The following RFTN1 variants were observed in gnomAD, a reference collection of about 807,000 sequenced individuals.
RFTN1 encodes raftlin.
A neutral mutation model predicts 46.5 loss-of-function variants in RFTN1; 26 were observed. The ratio of observed to expected loss-of-function variants is 0.56; its 90% CI spans 0.41 to 0.78. The LOEUF (loss-of-function observed/expected upper bound fraction) is 0.78. Among genes scored for constraint, RFTN1 ranks in the 30% least tolerant of loss-of-function variants. The probability of loss-of-function intolerance (pLI) is 0.00; values close to 1 mark genes in which losing one functional copy is unlikely to be tolerated. For missense variants in RFTN1, 693 were observed against 718.7 expected, an observed-to-expected ratio of 0.96 and a Z score of 0.41; for synonymous variants, 261 against 284.2, an observed-to-expected ratio of 0.92 and a Z score of 0.82.
rs367960866 is a variant in RFTN1, at chr3:16,415,409, G to GTATA, written c.333-5930_333-5927dup. ...GTTGAGATGTCTGGTAGACAGTTGA[G>GTATA]TATATATATATATATATATATACAC... is the stretch of plus-strand genomic sequence containing the variant. On this transcript the variant is annotated intron_variant, in intron 3 of 9. Coordinates refer to ENST00000334133, the MANE Select transcript of RFTN1 (RefSeq NM_015150.2). Among the ~76,000 whole-genome samples the GTATA allele has an allele frequency of 2.7e-3, 279 of 104,524 alleles. 13 individuals are homozygous for GTATA. The highest frequency in any genetic ancestry group is 5.0e-3 in the African/African-American group (168 of 33,370). The allele number at this position is 104,524 out of a possible 152,430, so 68.6% of individuals were successfully genotyped here. A position where few individuals can be genotyped will look rare whatever the true frequency, so the allele number is the denominator to read the frequency against.
chr3:16,328,767 C>G (rs1224044381), intron 7 of RFTN1, among the ~76,000 whole-genome samples: 1 of 152,196 alleles, frequency 6.6e-6, no homozygotes, highest in Admixed American at 6.5e-5. Flanking sequence ...CCTGATGCAG[C>G]TAAGTCTGAG....
At position 16,493,890 on chromosome 3, in the gene RFTN1, G is replaced by C. The variant is rs777462745; in HGVS notation, c.-8-13C>G. ...CCCATTTCAGCAGCTGCTGGCCAAA[G>C]GAAAAAGGCGGGGAGGTGATTTTTT... On this transcript the variant is annotated splice_polypyrimidine_tract_variant and intron_variant, in intron 1 of 9. Transcript: ENST00000334133. The C allele has an allele frequency of 6.2e-7, 1 of 1,612,992 alleles. No individual in the cohort carries two copies. The highest frequency in any genetic ancestry group is 1.1e-5 in the South Asian group (1 of 90,882).
In RFTN1 at chr3:16,447,922, A is replaced by T. The variant is rs2075760589; in HGVS notation, c.146-13885T>A. ...TCTGATAGGCATTTGTGTGCTTATA[A>T]GGAATCTTTAGATTTTCTCTAATGT... On this transcript the variant is annotated intron_variant, in intron 2 of 9. Transcript: ENST00000334133. This position sits in a 1 kb window ranked among gnomAD's most constrained non-coding sequence, Gnocchi z 5.9. 6.6e-6 allele frequency among the ~76,000 whole-genome samples: 1 copy of T among 152,170 alleles called. No individual in the cohort carries two copies.
At chr3:16,445,169 C>T (rs2075702663) in intron 2 of RFTN1, among the ~76,000 whole-genome samples, 1 of 152,142 alleles carries the variant, frequency 6.6e-6, no homozygotes, top group Admixed American at 6.5e-5. Context: ...TGCAGCCAAG[C>T]TCTTAGAGAA....
chr3:16,377,125 G>A (rs929968418), intron 5 of RFTN1, among the ~76,000 whole-genome samples: 21 of 152,030 alleles, frequency 1.4e-4, no homozygotes, highest in East Asian at 3.9e-4. Context: ...ACAGAGAAAC[G>A]GAGGGAAACT....
In RFTN1 at chr3:16,320,368, C is replaced by T. The variant is rs2068908266; in HGVS notation, c.1332+3008G>A. Among the ~76,000 whole-genome samples, 1 of 152,220 alleles carries T rather than the reference C, an allele frequency of 6.6e-6. No individual in the cohort carries two copies. Among genetic ancestry groups the T allele is most frequent in the South Asian group, 2.1e-4 (1 of 4,834 alleles). On this transcript the variant is annotated intron_variant, in intron 9 of 9. Transcript: ENST00000334133. This position sits in a 1 kb window ranked among gnomAD's most constrained non-coding sequence, Gnocchi z 4.5. Reference sequence around the variant, plus strand: ...TATGCCACATCCTCGGTGTGCCAATCTTGCAGTTTCTTTTCTTAAGTTTTA... The same window carrying T: ...TATGCCACATCCTCGGTGTGCCAATTTTGCAGTTTCTTTTCTTAAGTTTTA...
intron 1 of RFTN1, among the ~76,000 whole-genome samples, chr3:16,510,324 G>A (rs1252322474): frequency 6.6e-6 from 1 of 152,172 alleles, no homozygotes; most frequent in East Asian, 1.9e-4. Flanking sequence ...GAGTTTCTAG[G>A]CAGAAGCTTA....
chr3:16,472,747 T>C (rs2076219777), intron 2 of RFTN1: 1 of 152,218 alleles, frequency 6.6e-6, no homozygotes, highest in Non-Finnish European at 1.5e-5. Context: ...TCCCAACACA[T>C]GATGATCTTC....
At chr3:16,365,180 G>A (rs2073082664) in intron 6 of RFTN1, among the ~76,000 whole-genome samples, 2 of 141,442 alleles carry the variant, frequency 1.4e-5, no homozygotes, top group East Asian at 2.1e-4. Flanking sequence ...GGTGGGTGGT[G>A]TCCCAAGGGA....
At chr3:16,434,653 A>AC (rs539479112) in intron 2 of RFTN1, 2 of 152,230 alleles carry the variant, frequency 1.3e-5, no homozygotes, top group Non-Finnish European at 1.5e-5. Context: ...TCTAAAAAAA[A>AC]ACACACAGAA....
At chr3:16,444,324 A>T (rs988702984) in intron 2 of RFTN1, among the ~76,000 whole-genome samples, 1 of 152,276 alleles carries the variant, frequency 6.6e-6, no homozygotes. Context: ...TACTGGATTT[A>T]CAATGTAAAA....
rs2125273198 is a variant in RFTN1 at position 16,337,195 on chromosome 3, A to G, written c.1147-10319T>C. 1 of 152,336 alleles carries G rather than the reference A, an allele frequency of 6.6e-6. No individual in the cohort carries two copies. The highest frequency in any genetic ancestry group is 2.1e-4 in the South Asian group (1 of 4,828). The allele number at this position is 152,336 out of a possible 1,614,324, so 9.4% of individuals were successfully genotyped here. On this transcript the variant is annotated intron_variant, in intron 7 of 9. Transcript: ENST00000334133. This position sits in a 1 kb window ranked among gnomAD's most constrained non-coding sequence, Gnocchi z 5.0. Reference sequence around the variant, plus strand: ...GTGGCCCTGCTAAGCAGCAGACGTGAGAGATGCCATCTTGGAGCTGCTAGC... The same window carrying G: ...GTGGCCCTGCTAAGCAGCAGACGTGGGAGATGCCATCTTGGAGCTGCTAGC...
chr3:16,317,131 C>T lies in RFTN1; in HGVS notation c.1434G>A (p.Glu478=), dbSNP rs1559795683. 6.2e-7 allele frequency: 1 copy of T among 1,613,820 alleles called. No individual in the cohort carries two copies. Among genetic ancestry groups the T allele is most frequent in the Admixed American group, 1.7e-5 (1 of 59,986 alleles). The change falls in exon 10 of 10, where the codon GAG becomes GAA. Residue 478 remains glutamate (E), a synonymous_variant. Transcript: ENST00000334133. This position sits in a 1 kb window ranked among gnomAD's most constrained non-coding sequence, Gnocchi z 4.3. The part of the protein sequence containing the change: ...ARDKQQAEEN[E]KNLEDQSSKA... ...TGGAAGACTGGTCTTCTAAGTTCTTCTCATTTTCTTCTGCTTGTTGTTTGT... is the reference window on the plus strand; with the variant it reads ...TGGAAGACTGGTCTTCTAAGTTCTTTTCATTTTCTTCTGCTTGTTGTTTGT...
chr3:16,505,959 A>T (rs1297320706), intron 1 of RFTN1, among the ~76,000 whole-genome samples: 2 of 152,238 alleles, frequency 1.3e-5, no homozygotes, highest in African/African-American at 2.4e-5. Flanking sequence ...AAAACAAAAG[A>T]GATTCACACA....
At chr3:16,417,866 C>T (rs942622060) in intron 3 of RFTN1, among the ~76,000 whole-genome samples, 1 of 152,168 alleles carries the variant, frequency 6.6e-6, no homozygotes, top group South Asian at 2.1e-4. Context: ...TACCACCACA[C>T]CCAGCTAATA....
chr3:16,328,570 C>T (rs537568064), intron 7 of RFTN1, among the ~76,000 whole-genome samples: 2 of 152,328 alleles, frequency 1.3e-5, no homozygotes, highest in East Asian at 3.9e-4. Flanking sequence ...CCTCCCTTTC[C>T]TCCGCTGTAT....
chr3:16,353,609 G>A lies in RFTN1; in HGVS notation c.1146+4323C>T, dbSNP rs543276003. Among the ~76,000 whole-genome samples, 1 of 152,188 alleles carries A rather than the reference G, an allele frequency of 6.6e-6. No individual in the cohort carries two copies. The highest frequency in any genetic ancestry group is 2.4e-5 in the African/African-American group (1 of 41,436). On this transcript the variant is annotated intron_variant, in intron 7 of 9. Coordinates refer to ENST00000334133, the MANE Select transcript of RFTN1 (RefSeq NM_015150.2). The surrounding 1 kb of genome is among the most constrained non-coding windows in gnomAD (Gnocchi z 5.4). ...TCTATCCTCCCACAATGCGTATGTTGAGGCTCCAAGCCCTAGTTTGGCTGT... is the reference window on the plus strand; with the variant it reads ...TCTATCCTCCCACAATGCGTATGTTAAGGCTCCAAGCCCTAGTTTGGCTGT...
In RFTN1 at chr3:16,370,228, C is replaced by A. The variant is rs780208345; in HGVS notation, c.878G>T (p.Arg293Leu). 1.8e-5 allele frequency: 29 copies of A among 1,614,140 alleles called. No individual in the cohort carries two copies. The highest frequency in any genetic ancestry group is 1.1e-5 in the Non-Finnish European group (13 of 1,180,022). Residue 293 changes from arginine (R) to leucine (L), a missense_variant, in exon 6 of 10, where the codon CGG (arginine) becomes CTG (leucine). Coordinates refer to ENST00000334133, the MANE Select transcript of RFTN1 (RefSeq NM_015150.2). This position sits in a 1 kb window ranked among gnomAD's most constrained non-coding sequence, Gnocchi z 5.5. ...FNKPKSHQKC[R>L]QYYPVTIPLH... Reference sequence around the variant, plus strand: ...AGGAATGGTGACAGGGTAGTATTGCCGGCACTTCTGATGGCTCTTCGGTTT... The same window carrying A: ...AGGAATGGTGACAGGGTAGTATTGCAGGCACTTCTGATGGCTCTTCGGTTT...
rs114508693 is a variant in RFTN1 at position 16,421,705 on chromosome 3, C to T, written c.332+12146G>A. ...CCCACAAAGCTCTTATGGGCAGAGA[C>T]GGGTCAGTGTAGCCATTTCCACATG... On this transcript the variant is annotated intron_variant, in intron 3 of 9. Transcript: ENST00000334133. The surrounding 1 kb of genome is among the most constrained non-coding windows in gnomAD (Gnocchi z 4.6). Among the ~76,000 whole-genome samples, 1 of 152,132 alleles carries T rather than the reference C, an allele frequency of 6.6e-6. No individual in the cohort carries two copies. Among genetic ancestry groups the T allele is most frequent in the Non-Finnish European group, 1.5e-5 (1 of 68,022 alleles).
Sources: gnomAD v4.1 joint callset for allele counts (sites outside exome capture counted in the v4.1 genomes callset) on GRCh38, gnomAD v4.1.1 for gene constraint, Gnocchi (gnomAD v3.1) non-coding constraint, MANE v1.5 for transcripts, NCBI Gene and HGNC (gene_info 2026-07-23, HGNC 2026-07-21) for gene names.